Variants in ABLIM1 observed in about 807,000 individuals in gnomAD.
ABLIM1 encodes actin binding LIM protein 1.
In ABLIM1, 40 loss-of-function variants were observed where a neutral mutation model predicts 107.0. The observed-to-expected ratio is 0.37, with a 90% CI of 0.29 to 0.49. The LOEUF (loss-of-function observed/expected upper bound fraction) is 0.49. Ranked by LOEUF, ABLIM1 falls within the 20% of genes least tolerant of loss-of-function variation. The pLI, the probability that ABLIM1 is intolerant of heterozygous loss-of-function variation, is 0.97. For synonymous variants in ABLIM1, 357 were observed against 357.3 expected, an observed-to-expected ratio of 1.00 and a Z score of 0.01; for missense variants, 857 against 1,008.5, an observed-to-expected ratio of 0.85 and a Z score of 2.04.
chr10:114,550,637 G>T (rs1396581822), intron 4 of ABLIM1, among the ~76,000 whole-genome samples: 1 of 152,074 alleles, frequency 6.6e-6, no homozygotes, highest in Non-Finnish European at 1.5e-5. Flanking sequence ...AGGTAGTAAT[G>T]ACATGTACCC....
upstream of ABLIM1, among the ~76,000 whole-genome samples, chr10:114,685,218 C>T (rs576111659): frequency 8.3e-4 from 127 of 152,196 alleles, no homozygotes; most frequent in Admixed American, 2.3e-3. Context: ...GTTATGAAGA[C>T]AGTTTAAATG....
chr10:114,572,039 G>C (rs1192921794), intron 3 of ABLIM1, among the ~76,000 whole-genome samples: 1 of 152,196 alleles, frequency 6.6e-6, no homozygotes, highest in Non-Finnish European at 1.5e-5. Flanking sequence ...CTTCATAGTA[G>C]ATATTCATCA....
At chr10:114,482,184 C>A (rs1170595549) in intron 8 of ABLIM1, among the ~76,000 whole-genome samples, 1 of 152,118 alleles carries the variant, frequency 6.6e-6, no homozygotes, top group Non-Finnish European at 1.5e-5. Flanking sequence ...TGAGTTTTAC[C>A]TGTAGACAAA....
At chr10:114,739,482 A>G (rs1676219743) in intron 1 of ABLIM1, among the ~76,000 whole-genome samples, 1 of 152,238 alleles carries the variant, frequency 6.6e-6, no homozygotes, top group African/African-American at 2.4e-5. Flanking sequence ...TGAAAAAAGA[A>G]CAATGTAGAT....
chr10:114,741,036 A>G (rs1459216557), intron 1 of ABLIM1, among the ~76,000 whole-genome samples: 2 of 151,370 alleles, frequency 1.3e-5, no homozygotes, highest in African/African-American at 4.8e-5. Flanking sequence ...CTGTCTCAAA[A>G]AAAAAAAAGA....
At chr10:114,727,800 C>T (rs1395290312) in intron 1 of ABLIM1, among the ~76,000 whole-genome samples, 1 of 152,020 alleles carries the variant, frequency 6.6e-6, no homozygotes, top group Non-Finnish European at 1.5e-5. Flanking sequence ...ACAAAAAATA[C>T]AAAAGTTAGC....
Position 114,562,258 on chromosome 10 carries a change from G to A in ABLIM1, c.673+9039C>T, listed in dbSNP as rs183761120. ...TTAAAAACATGTTTTGGCCAGGCGCGGTGGCTCACGCCTGTAATCCCAGCA... is the reference window on the plus strand; with the variant it reads ...TTAAAAACATGTTTTGGCCAGGCGCAGTGGCTCACGCCTGTAATCCCAGCA... On this transcript the variant is annotated intron_variant, in intron 4 of 22. Coordinates refer to ENST00000533213, the MANE Select transcript of ABLIM1 (RefSeq NM_002313.7). Among the ~76,000 whole-genome samples, 37 of 152,256 alleles carry A rather than the reference G, an allele frequency of 2.4e-4. No homozygotes were observed. The East Asian group carries it at 5.8e-3, about 24-fold the overall frequency.
At position 114,608,804 on chromosome 10, in the gene ABLIM1, C is replaced by G. The variant is rs576577483; in HGVS notation, c.245-6843G>C. 2.0e-5 allele frequency among the ~76,000 whole-genome samples: 3 copies of G among 152,054 alleles called. No individual in the cohort carries two copies. In the South Asian group the frequency reaches 6.2e-4, roughly 32 times the overall value. ...CCAAGGCGGGTGGATCAACTGAGGTCAGGAGTTCCAGACAAGCCTGGTCAA... is the reference window on the plus strand; with the variant it reads ...CCAAGGCGGGTGGATCAACTGAGGTGAGGAGTTCCAGACAAGCCTGGTCAA... On this transcript the variant is annotated intron_variant, in intron 1 of 22. Transcript: ENST00000533213.
intron 8 of ABLIM1, among the ~76,000 whole-genome samples, chr10:114,485,720 C>T (rs371218814): frequency 6.6e-6 from 1 of 152,132 alleles, no homozygotes. Context: ...GTTACAAATG[C>T]CCCATGAGTT....
At chr10:114,468,913 G>A (rs553377708) in intron 10 of ABLIM1, among the ~76,000 whole-genome samples, 2 of 152,090 alleles carry the variant, frequency 1.3e-5, no homozygotes, top group East Asian at 3.9e-4. Flanking sequence ...TTAGCCAGGC[G>A]CGGTGGCGGG....
intron 6 of ABLIM1, among the ~76,000 whole-genome samples, chr10:114,534,309 T>G (rs917452015): frequency 5.3e-5 from 8 of 152,096 alleles, no homozygotes; most frequent in Non-Finnish European, 5.9e-5. Flanking sequence ...AAAGGACTAC[T>G]CTGGGGACAT....
chr10:114,773,408 C>T, the ABLIM1 span, among the ~76,000 whole-genome samples: 1 of 152,114 alleles, frequency 6.6e-6, no homozygotes, highest in Admixed American at 6.6e-5. Context: ...TTCTGATTAG[C>T]CTATAATTGT....
the ABLIM1 span, among the ~76,000 whole-genome samples, chr10:114,785,793 A>G: frequency 6.6e-5 from 10 of 152,326 alleles, no homozygotes; most frequent in South Asian, 1.7e-3. Context: ...CAGTGGCACG[A>G]TCTCAGCTCA....
chr10:114,772,578 G>A (rs758590190), upstream of ABLIM1, among the ~76,000 whole-genome samples: 2 of 152,100 alleles, frequency 1.3e-5, no homozygotes, highest in Non-Finnish European at 2.9e-5. Context: ...CTGCACTCCA[G>A]CCTGGGTGAC....
At chr10:114,633,239 A>G (rs1035627364) in intron 1 of ABLIM1, among the ~76,000 whole-genome samples, 2 of 152,202 alleles carry the variant, frequency 1.3e-5, no homozygotes, top group African/African-American at 4.8e-5. Context: ...AAAGGAATGA[A>G]GTCAATCAAC....
chr10:114,468,160 A>G (rs2065592905), intron 11 of ABLIM1, 21 bp downstream of exon 11: 1 of 1,608,260 alleles, frequency 6.2e-7, no homozygotes, highest in Non-Finnish European at 8.5e-7. Flanking sequence ...CATTAAAATG[A>G]TAAAAAGAAA....
rs1429443769 is a variant in ABLIM1, at chr10:114,745,281, C to T, written c.-213+22780G>A. On this transcript the variant is annotated intron_variant, in intron 1 of 15. Coordinates refer to the ABLIM1 transcript ENST00000651092. ...TGGTTAACTTAAAAATATTTCCTGG[C>T]CAGGTGCAGTGGCTCACGCCTGTAA... 3.3e-5 allele frequency among the ~76,000 whole-genome samples: 5 copies of T among 152,356 alleles called. No homozygotes were observed. The East Asian group carries it at 9.6e-4, about 29-fold the overall frequency.
chr10:114,787,024 AGCC>A, the ABLIM1 span, among the ~76,000 whole-genome samples: 1 of 146,596 alleles, frequency 6.8e-6, no homozygotes, highest in Non-Finnish European at 1.5e-5. Context: ...GTCTCTGCCC[AGCC>A]GCCATCCCAT....
intron 1 of ABLIM1, among the ~76,000 whole-genome samples, chr10:114,682,223 C>T (rs2080779543): frequency 1.3e-5 from 2 of 152,184 alleles, no homozygotes; most frequent in South Asian, 4.1e-4. Flanking sequence ...AACACTAGCT[C>T]TAAGTATATC....
Sources: allele counts gnomAD v4.1 joint callset (sites outside exome capture counted in the v4.1 genomes callset), GRCh38; gene constraint gnomAD v4.1.1; transcripts MANE v1.5; gene names NCBI Gene and HGNC (gene_info 2026-07-23, HGNC 2026-07-21).